ROR2: variants seen among roughly 807,000 people sequenced by gnomAD.
The protein encoded by ROR2 is tyrosine-protein kinase transmembrane receptor ROR2.
Under a neutral mutation model 74.9 loss-of-function variants are expected in ROR2, and 33 were observed. The observed-to-expected ratio is 0.44, with a 90% CI of 0.33 to 0.59. The LOEUF is 0.59. Ranked by LOEUF, ROR2 falls within the 20% of genes least tolerant of loss-of-function variation. The pLI is 0.02. For missense variants in ROR2, 1,216 were observed against 1,313.8 expected, an observed-to-expected ratio of 0.93 and a Z score of 1.15; for synonymous variants, 586 against 558.7, an observed-to-expected ratio of 1.05 and a Z score of -0.69.
At chr9:91,754,353 A>G (rs768854707) in intron 4 of ROR2, among the ~76,000 whole-genome samples, 2 of 151,816 alleles carry the variant, frequency 1.3e-5, no homozygotes, top group Non-Finnish European at 2.9e-5. Context: ...TAAAAGTTTT[A>G]TTTATAAAAT....
intron 1 of ROR2, among the ~76,000 whole-genome samples, chr9:91,886,265 G>A (rs1429169548): frequency 1.3e-5 from 2 of 152,024 alleles, no homozygotes; most frequent in East Asian, 3.9e-4. Context: ...CAGGAGAGGA[G>A]GCCATGTGAA....
intron 1 of ROR2, among the ~76,000 whole-genome samples, chr9:91,813,771 A>G (rs1171683237): frequency 6.6e-6 from 1 of 152,144 alleles, no homozygotes; most frequent in Admixed American, 6.6e-5. Context: ...TCCCTTCACC[A>G]AAACACTCCA....
At chr9:91,856,555 A>C (rs1325142542) in intron 1 of ROR2, among the ~76,000 whole-genome samples, 1 of 152,204 alleles carries the variant, frequency 6.6e-6, no homozygotes, top group Non-Finnish European at 1.5e-5. Context: ...GAGATGACAC[A>C]GACACACACA....
At chr9:91,735,636 T>G in intron 5 of ROR2, among the ~76,000 whole-genome samples, 1 of 45,094 alleles carries the variant, frequency 2.2e-5, no homozygotes, top group Non-Finnish European at 4.9e-5. Context: ...TTTTTTTTTT[T>G]TTTTTTTGAG....
chr9:91,894,405 A>T (rs1830490511), intron 1 of ROR2, among the ~76,000 whole-genome samples: 1 of 152,206 alleles, frequency 6.6e-6, no homozygotes, highest in African/African-American at 2.4e-5. Context: ...TAATGAGCTT[A>T]AACTTTAAGG....
At chr9:91,896,433 C>G (rs1830540290) in intron 1 of ROR2, among the ~76,000 whole-genome samples, 1 of 152,208 alleles carries the variant, frequency 6.6e-6, no homozygotes, top group African/African-American at 2.4e-5. Flanking sequence ...ACAAGGTGAT[C>G]AGATTCCAGG....
chr9:91,787,258 C>T (rs933326679), intron 1 of ROR2, among the ~76,000 whole-genome samples: 1 of 152,178 alleles, frequency 6.6e-6, no homozygotes. Context: ...CGCCTGTAAT[C>T]CCAGCACTTT....
intron 1 of ROR2, among the ~76,000 whole-genome samples, chr9:91,872,481 C>G (rs1212791817): frequency 6.6e-6 from 1 of 152,216 alleles, no homozygotes; most frequent in Non-Finnish European, 1.5e-5. Context: ...TTACACCACA[C>G]AGCCAGAATT....
intron 1 of ROR2, among the ~76,000 whole-genome samples, chr9:91,816,376 C>A (rs1427047799): frequency 6.6e-6 from 1 of 152,194 alleles, no homozygotes; most frequent in Non-Finnish European, 1.5e-5. Context: ...CCAACCCCAG[C>A]CGAGGACCTG....
intron 1 of ROR2, among the ~76,000 whole-genome samples, chr9:91,934,458 C>T (rs927277539): frequency 3.3e-5 from 5 of 152,176 alleles, no homozygotes; most frequent in Non-Finnish European, 7.3e-5. Flanking sequence ...GACCCTTCCC[C>T]CAGCAACCCA....
At chr9:91,917,581 G>A (rs1831168104) in intron 1 of ROR2, among the ~76,000 whole-genome samples, 1 of 152,174 alleles carries the variant, frequency 6.6e-6, no homozygotes. Flanking sequence ...AGGAAGACCT[G>A]GGCACCCAAC....
At chr9:91,790,774 T>C (rs1387962967) in intron 1 of ROR2, among the ~76,000 whole-genome samples, 1 of 152,136 alleles carries the variant, frequency 6.6e-6, no homozygotes, top group African/African-American at 2.4e-5. Flanking sequence ...GGACAAGATG[T>C]GGAGGTGGAC....
intron 7 of ROR2, among the ~76,000 whole-genome samples, chr9:91,727,523 A>G (rs112684191): frequency 0.018 from 2,727 of 152,220 alleles, 79 homozygotes; most frequent in African/African-American, 0.062. Flanking sequence ...GCAGGACTCC[A>G]GGCAGGGCTG....
chr9:91,889,123 C>T (rs2119391673), intron 1 of ROR2, among the ~76,000 whole-genome samples: 1 of 152,318 alleles, frequency 6.6e-6, no homozygotes, highest in African/African-American at 2.4e-5. Context: ...TCTTACTTTC[C>T]AGTGAGACCA....
intron 1 of ROR2, among the ~76,000 whole-genome samples, chr9:91,816,428 C>T (rs890341660): frequency 2.6e-5 from 4 of 152,192 alleles, no homozygotes; most frequent in Non-Finnish European, 5.9e-5. Context: ...AAGAGTAGCC[C>T]CCTTTCCCCT....
intron 1 of ROR2, among the ~76,000 whole-genome samples, chr9:91,862,316 C>A (rs1407624231): frequency 1.3e-5 from 2 of 150,958 alleles, no homozygotes; most frequent in Non-Finnish European, 2.9e-5. Flanking sequence ...GGTGACAGAG[C>A]GAGACTCCAT....
At chr9:91,878,787 A>T (rs1222814187) in intron 1 of ROR2, among the ~76,000 whole-genome samples, 1 of 152,328 alleles carries the variant, frequency 6.6e-6, no homozygotes, top group African/African-American at 2.4e-5. Flanking sequence ...TTTAAGAAAC[A>T]AAGACGGGGG....
chr9:91,892,883 C>T (rs1768314978), intron 1 of ROR2, among the ~76,000 whole-genome samples: 1 of 152,154 alleles, frequency 6.6e-6, no homozygotes, highest in Admixed American at 6.5e-5. Context: ...AGCCACCATG[C>T]CTGGCCACAG....
intron 8 of ROR2, among the ~76,000 whole-genome samples, chr9:91,725,997 C>T (rs1158164498): frequency 6.6e-6 from 1 of 152,228 alleles, no homozygotes; most frequent in Non-Finnish European, 1.5e-5. Context: ...CCTTTTACAA[C>T]ACAACCTGGA....
Sources: gnomAD v4.1 joint callset for allele counts (sites outside exome capture counted in the v4.1 genomes callset) on GRCh38, gnomAD v4.1.1 for gene constraint, MANE v1.5 for transcripts, NCBI Gene and HGNC (gene_info 2026-07-23, HGNC 2026-07-21) for gene names.